DPH6: variants seen among roughly 807,000 people sequenced by gnomAD.
The protein encoded by DPH6 is diphthine--ammonia ligase.
In DPH6, 33 loss-of-function variants were observed where a neutral mutation model predicts 38.2. The ratio of observed to expected loss-of-function variants is 0.86; its 90% CI spans 0.65 to 1.15. The LOEUF is 1.15. Ranked by LOEUF, DPH6 falls within the 50% of genes most tolerant of loss-of-function variation. DPH6 has a pLI of 0.00. For synonymous variants in DPH6, 108 were observed against 103.0 expected, an observed-to-expected ratio of 1.05 and a Z score of -0.30; for missense variants, 325 against 320.0, an observed-to-expected ratio of 1.02 and a Z score of -0.12.
intron 3 of DPH6, among the ~76,000 whole-genome samples, chr15:35,361,024 A>G (rs2052609770): frequency 6.6e-6 from 1 of 152,160 alleles, no homozygotes; most frequent in East Asian, 1.9e-4. Context: ...TTGGCCTTCT[A>G]ATGAAGGTAT....
chr15:35,501,030 C>T (rs1033026178), intron 3 of DPH6, among the ~76,000 whole-genome samples: 23 of 152,094 alleles, frequency 1.5e-4, no homozygotes, highest in African/African-American at 5.3e-4. Flanking sequence ...CGTGAGCCAC[C>T]GTGCCCGGCC....
At chr15:35,536,404 T>C (rs1005330621) in intron 3 of DPH6, among the ~76,000 whole-genome samples, 6 of 152,032 alleles carry the variant, frequency 3.9e-5, no homozygotes, top group Non-Finnish European at 7.4e-5. Flanking sequence ...ATAATTATCA[T>C]GTACAAACTT....
At chr15:35,183,375 G>A in the DPH6 span, among the ~76,000 whole-genome samples, 6,165 of 152,142 alleles carry the variant, frequency 0.041, 133 homozygotes, top group Middle Eastern at 0.051. Context: ...CAGCAATTGC[G>A]CCTCTACTGC....
intron 3 of DPH6, among the ~76,000 whole-genome samples, chr15:35,270,642 C>A (rs547816202): frequency 1.3e-5 from 2 of 152,300 alleles, no homozygotes; most frequent in South Asian, 2.1e-4. Context: ...CTAGAAAAAA[C>A]CTAAGTTATT....
intron 7 of DPH6, among the ~76,000 whole-genome samples, chr15:35,374,979 A>G (rs2052761654): frequency 6.6e-6 from 1 of 151,998 alleles, no homozygotes; most frequent in Non-Finnish European, 1.5e-5. Context: ...CTCAATTCCT[A>G]TTATACAATC....
At chr15:35,467,318 A>G (rs1240611614) in intron 3 of DPH6, among the ~76,000 whole-genome samples, 1 of 152,182 alleles carries the variant, frequency 6.6e-6, no homozygotes, top group Non-Finnish European at 1.5e-5. Context: ...TAATCCCAGC[A>G]CTTTGGGAGG....
the DPH6 span, among the ~76,000 whole-genome samples, chr15:35,162,853 T>G: frequency 2.6e-5 from 4 of 151,826 alleles, no homozygotes; most frequent in African/African-American, 9.7e-5. Flanking sequence ...CTTATAAATT[T>G]TAAGGTCTAA....
intron 5 of DPH6, among the ~76,000 whole-genome samples, chr15:35,440,263 T>C (rs2053769899): frequency 6.6e-6 from 1 of 152,174 alleles, no homozygotes; most frequent in Non-Finnish European, 1.5e-5. Flanking sequence ...CAAAGAGGGC[T>C]AACCAAAGCC....
chr15:35,329,811 T>C (rs2052313135), downstream of DPH6, among the ~76,000 whole-genome samples: 1 of 152,144 alleles, frequency 6.6e-6, no homozygotes, highest in Non-Finnish European at 1.5e-5. Context: ...GATCAAAAAC[T>C]GACTATGTGC....
At chr15:35,446,419 T>C (rs990132960) in intron 5 of DPH6, among the ~76,000 whole-genome samples, 3 of 151,754 alleles carry the variant, frequency 2.0e-5, no homozygotes. Context: ...TTTATAGGCA[T>C]AGGTCTCCCT....
At chr15:35,295,138 C>T (rs1183489027) in intron 3 of DPH6, among the ~76,000 whole-genome samples, 2 of 152,156 alleles carry the variant, frequency 1.3e-5, no homozygotes, top group Non-Finnish European at 2.9e-5. Context: ...TAATATGGGC[C>T]ACTACCCACT....
chr15:35,397,256 A>T (rs2066760328), intron 6 of DPH6, among the ~76,000 whole-genome samples: 1 of 152,238 alleles, frequency 6.6e-6, no homozygotes, highest in South Asian at 2.1e-4. Context: ...TCAAGGCTGG[A>T]GGCCAGATTT....
intron 3 of DPH6, chr15:35,238,196 G>C (rs2051569705): frequency 2.8e-6 from 1 of 356,278 alleles, no homozygotes; most frequent in East Asian, 8.1e-5. Flanking sequence ...GAACGAGAGG[G>C]GAAAGGTGTA....
Position 35,314,595 on chromosome 15 carries a change from G to A in DPH6, n.200+58926C>T, listed in dbSNP as rs527865098. On this transcript the variant is annotated intron_variant and non_coding_transcript_variant, in intron 3 of 3. Transcript: ENST00000560386. ...AAGATGAGGAGCACAGTGGCCAGCC[G>A]TCGGAAGTTGACAACAACAGAGAGC... Among the ~76,000 whole-genome samples, 8 of 152,230 alleles carry A rather than the reference G, an allele frequency of 5.3e-5. No homozygotes were observed. In the South Asian group the frequency reaches 6.2e-4, roughly 12 times the overall value.
chr15:35,506,664 AC>A (rs1411315252), intron 3 of DPH6, among the ~76,000 whole-genome samples: 2 of 152,174 alleles, frequency 1.3e-5, no homozygotes, highest in African/African-American at 4.8e-5. Flanking sequence ...ATAGGGCCTT[AC>A]AATGAAGTGT....
At chr15:35,165,001 C>T in the DPH6 span, among the ~76,000 whole-genome samples, 1 of 151,812 alleles carries the variant, frequency 6.6e-6, no homozygotes, top group Non-Finnish European at 1.5e-5. Context: ...TTAAGCTTAC[C>T]TGTTTTGTAA....
chr15:35,538,310 C>A lies in DPH6; in HGVS notation c.276G>T (p.Glu92Asp). 6.3e-7 allele frequency: 1 copy of A among 1,597,078 alleles called. No homozygotes were observed. The highest frequency in any genetic ancestry group is 8.6e-7 in the Non-Finnish European group (1 of 1,167,042). The change falls in exon 3 of 9, where the codon GAG becomes GAT. Residue 92 changes from glutamate (E) to aspartate (D), a missense_variant. Glu to Asp is a conservative substitution (Grantham distance 45). Transcript: ENST00000256538. Reference sequence around the variant, plus strand: ...TCAAAAGCTCATAGAGATCTTCAACCTCATCACCTTCACATTTGGTGTACA... The same window carrying A: ...TCAAAAGCTCATAGAGATCTTCAACATCATCACCTTCACATTTGGTGTACA... ...RQVYTKCEGD[E>D]VEDLYELLKL...
At chr15:35,463,652 A>G (rs2054092359) in intron 3 of DPH6, among the ~76,000 whole-genome samples, 1 of 152,222 alleles carries the variant, frequency 6.6e-6, no homozygotes, top group South Asian at 2.1e-4. Flanking sequence ...GAAATAGACC[A>G]AAGTGTAATA....
rs540569978 is a variant in DPH6, at chr15:35,312,829, T to A, written n.200+60692A>T. On this transcript the variant is annotated intron_variant and non_coding_transcript_variant, in intron 3 of 3. Coordinates refer to the DPH6 transcript ENST00000560386. ...GCCTTTGTCAAAGATAAGTTGGCTC[T>A]AAGTGTAGGGATTCATATCTGGGTT... Among the ~76,000 whole-genome samples, 103 of 152,350 alleles carry A rather than the reference T, an allele frequency of 6.8e-4. No homozygotes were observed. The Middle Eastern group carries it at 0.014, about 20-fold the overall frequency.
Sources: allele counts gnomAD v4.1 joint callset (sites outside exome capture counted in the v4.1 genomes callset), GRCh38; gene constraint gnomAD v4.1.1; transcripts MANE v1.5; gene names NCBI Gene and HGNC (gene_info 2026-07-23, HGNC 2026-07-21).